The following CELF2 variants were observed in gnomAD, a reference collection of about 807,000 sequenced individuals.
CELF2 encodes CUGBP Elav-like family member 2, also known as CUG triplet repeat RNA-binding protein 2.
CELF2 carries 8 observed loss-of-function variants against 62.6 expected under a neutral mutation model. The ratio of observed to expected loss-of-function variants is 0.13; its 90% CI spans 0.07 to 0.23. CELF2 has a LOEUF of 0.23. CELF2 is among the 10% of genes least tolerant of loss of function. The pLI, the probability that CELF2 is intolerant of heterozygous loss-of-function variation, is 1.00. For missense variants in CELF2, 333 were observed against 671.0 expected, an observed-to-expected ratio of 0.50 and a Z score of 5.56; for synonymous variants, 258 against 250.0, an observed-to-expected ratio of 1.03 and a Z score of -0.30.
chr10:10,939,277 GTGTTGTTGTTGT>G, intron 2 of CELF2, among the ~76,000 whole-genome samples: 1 of 144,324 alleles, frequency 6.9e-6, no homozygotes, highest in Non-Finnish European at 1.5e-5. Flanking sequence ...TTGTTTTGTG[GTGTTGTTGTTGT>G]TGTTGTTGTT....
the CELF2 span, among the ~76,000 whole-genome samples, chr10:10,644,286 G>A: frequency 6.6e-6 from 1 of 152,186 alleles, no homozygotes; most frequent in African/African-American, 2.4e-5. Context: ...GGACTATTGT[G>A]TGACCAGCTC....
chr10:10,768,613 GC>G, the CELF2 span, among the ~76,000 whole-genome samples: 1 of 145,000 alleles, frequency 6.9e-6, no homozygotes, highest in South Asian at 2.2e-4. Context: ...TCATTCTGTT[GC>G]CCATTCTGGA....
At chr10:10,562,190 AAC>A in the CELF2 span, among the ~76,000 whole-genome samples, 1 of 152,126 alleles carries the variant, frequency 6.6e-6, no homozygotes, top group South Asian at 2.1e-4. Context: ...GCACGAAAAC[AAC>A]ACACACACCC....
intron 11 of CELF2, among the ~76,000 whole-genome samples, chr10:11,322,471 A>G (rs1335658304): frequency 6.6e-6 from 1 of 152,220 alleles, no homozygotes; most frequent in Non-Finnish European, 1.5e-5. Context: ...CTGCTGAATG[A>G]TATTTTTTTC....
chr10:10,587,224 G>A, the CELF2 span, among the ~76,000 whole-genome samples: 1 of 152,302 alleles, frequency 6.6e-6, no homozygotes, highest in African/African-American at 2.4e-5. Context: ...TCCACATATT[G>A]TGTAGCCCGC....
intron 1 of CELF2, among the ~76,000 whole-genome samples, chr10:10,864,700 T>C (rs1020173594): frequency 1.3e-5 from 2 of 152,112 alleles, no homozygotes; most frequent in Non-Finnish European, 2.9e-5. Flanking sequence ...CCTAATCACC[T>C]CTCAAAGGCT....
chr10:10,623,077 C>T, the CELF2 span, among the ~76,000 whole-genome samples: 1 of 93,418 alleles, frequency 1.1e-5, no homozygotes, highest in East Asian at 5.0e-4. Flanking sequence ...CAGAGAGAGA[C>T]TCCGTCTCAA....
chr10:10,732,893 G>A, the CELF2 span, among the ~76,000 whole-genome samples: 2 of 152,168 alleles, frequency 1.3e-5, no homozygotes, highest in Non-Finnish European at 2.9e-5. Context: ...CCAGGTTTCA[G>A]CAGGCAGGCT....
chr10:10,967,755 G>A (rs970582520), intron 2 of CELF2, among the ~76,000 whole-genome samples: 3 of 152,166 alleles, frequency 2.0e-5, no homozygotes, highest in Non-Finnish European at 4.4e-5. Flanking sequence ...ATACACTGAT[G>A]GATTTCAGAG....
chr10:10,680,682 T>C, the CELF2 span, among the ~76,000 whole-genome samples: 1 of 152,208 alleles, frequency 6.6e-6, no homozygotes, highest in African/African-American at 2.4e-5. Context: ...ATAAATCACA[T>C]TGTTAGCATA....
At chr10:10,567,538 C>T in the CELF2 span, among the ~76,000 whole-genome samples, 2 of 152,274 alleles carry the variant, frequency 1.3e-5, no homozygotes, top group East Asian at 3.9e-4. Context: ...ACAGAGGCTT[C>T]AGCAGGCTAC....
At chr10:11,066,828 G>C (rs1197044324) in intron 1 of CELF2, among the ~76,000 whole-genome samples, 1 of 152,086 alleles carries the variant, frequency 6.6e-6, no homozygotes, top group Non-Finnish European at 1.5e-5. Flanking sequence ...GGGGAGCTAA[G>C]AGACTTGCAT....
At chr10:10,644,882 T>C in the CELF2 span, among the ~76,000 whole-genome samples, 1 of 152,118 alleles carries the variant, frequency 6.6e-6, no homozygotes, top group Admixed American at 6.5e-5. Context: ...AAATGTCAGA[T>C]GGGGTTCAAC....
At chr10:10,470,363 C>T in the CELF2 span, among the ~76,000 whole-genome samples, 1 of 151,776 alleles carries the variant, frequency 6.6e-6, no homozygotes, top group Non-Finnish European at 1.5e-5. Flanking sequence ...CAAGTTTCCT[C>T]TTTTTGAGTT....
rs1010979987 is a variant in CELF2, at chr10:11,333,000, A to T, written c.*3947A>T. On this transcript the variant is annotated 3_prime_UTR_variant, in exon 13 of 13. Transcript: ENST00000633077. ...AGAGCCCACCACTTGAATTTCTAAG[A>T]CCATTTCATTCTGAAACTTCTTATC... The T allele has an allele frequency of 6.6e-6, 1 of 152,564 alleles. No homozygotes were observed. The highest frequency in any genetic ancestry group is 1.5e-5 in the Non-Finnish European group (1 of 68,034). 9.5% of individuals were successfully genotyped at this position (152,564 alleles called of 1,614,324 possible). A position where few individuals can be genotyped will look rare whatever the true frequency, so the allele number is the denominator to read the frequency against.
the CELF2 span, among the ~76,000 whole-genome samples, chr10:10,540,364 G>A: frequency 1.3e-5 from 2 of 152,104 alleles, no homozygotes; most frequent in African/African-American, 4.8e-5. Flanking sequence ...TGGGTTCCAG[G>A]CTCCAAAATG....
At chr10:11,212,742 T>G (rs2062213872) in intron 2 of CELF2, among the ~76,000 whole-genome samples, 1 of 148,416 alleles carries the variant, frequency 6.7e-6, no homozygotes, top group Non-Finnish European at 1.5e-5. Flanking sequence ...TTTGGGTTTT[T>G]TTTTTTTTTT....
intron 1 of CELF2, among the ~76,000 whole-genome samples, chr10:10,882,654 G>A (rs2061506940): frequency 6.6e-6 from 1 of 152,146 alleles, no homozygotes; most frequent in Admixed American, 6.6e-5. Flanking sequence ...AGCGTGTTAA[G>A]AGAGGGAAAA....
chr10:11,311,891 A>C lies in CELF2; in HGVS notation c.977-2248A>C, dbSNP rs190316791. Among the ~76,000 whole-genome samples the C allele has an allele frequency of 7.2e-5, 11 of 152,320 alleles. No homozygotes were observed. In the East Asian group the frequency reaches 1.3e-3, roughly 19 times the overall value. On this transcript the variant is annotated intron_variant, in intron 9 of 12. Coordinates refer to ENST00000633077, the MANE Select transcript of CELF2 (RefSeq NM_001326342.2). This position sits in a 1 kb window ranked among gnomAD's most constrained non-coding sequence, Gnocchi z 4.7. ...GAAAGTCAATATAAGAGCAGCTAAT[A>C]ACCAAGAACTTTTCAGAACTGATAA...
Sources: allele counts gnomAD v4.1 joint callset (sites outside exome capture counted in the v4.1 genomes callset), GRCh38; gene constraint gnomAD v4.1.1; non-coding constraint Gnocchi (gnomAD v3.1); transcripts MANE v1.5; gene names NCBI Gene and HGNC (gene_info 2026-07-23, HGNC 2026-07-21).